The following SPINK5 variants were observed in gnomAD, a reference collection of about 807,000 sequenced individuals.
The protein encoded by SPINK5 is serine peptidase inhibitor Kazal type 5.
Under a neutral mutation model 151.8 loss-of-function variants are expected in SPINK5, and 125 were observed. The ratio of observed to expected loss-of-function variants is 0.82; its 90% confidence interval spans 0.71 to 0.96. The LOEUF (loss-of-function observed/expected upper bound fraction) is 0.96, where lower values mean the gene tolerates loss of function less well. Ranked by LOEUF, SPINK5 falls within the 40% of genes least tolerant of loss-of-function variation. The pLI is 0.00. For synonymous variants in SPINK5, 374 were observed against 395.3 expected, an observed-to-expected ratio of 0.95 and a Z score of 0.64; for missense variants, 1,194 against 1,291.9, an observed-to-expected ratio of 0.92 and a Z score of 1.16.
At chr5:148,077,254 A>G (rs988688069) in intron 4 of SPINK5, among the ~76,000 whole-genome samples, 2 of 151,156 alleles carry the variant, frequency 1.3e-5, no homozygotes, top group Admixed American at 6.6e-5. Flanking sequence ...TCCTATATAC[A>G]GGCTGTATAC....
chr5:148,116,240 ATAG>A, intron 21 of SPINK5, 127 bp from the exon 22 acceptor site: 1 of 874,052 alleles, frequency 1.1e-6, no homozygotes, highest in African/African-American at 1.7e-5. Flanking sequence ...GGCCTGCAGC[ATAG>A]TAGATGTTAA....
At chr5:148,098,141 T>C (rs1357057005) in intron 11 of SPINK5, 147 bp downstream of exon 11, 4 of 769,158 alleles carry the variant, frequency 5.2e-6, no homozygotes, top group Non-Finnish European at 2.1e-6. Context: ...GTGATAGAGC[T>C]GGGAGTAAGT....
intron 24 of SPINK5, 132 bp downstream of exon 24, chr5:148,119,190 ATCAGTGACTCTCACTGATAACTTGT>A (rs774387260): frequency 7.8e-4 from 609 of 785,394 alleles, no homozygotes; most frequent in Non-Finnish European, 1.1e-3. Context: ...TTACCAAGTT[ATCAGTGACTCTCACTGATAACTTGT>A]TCAGTGAAGA....
intron 19 of SPINK5, among the ~76,000 whole-genome samples, chr5:148,112,318 T>C (rs34975049): frequency 3.3e-5 from 5 of 152,098 alleles, no homozygotes; most frequent in Non-Finnish European, 7.4e-5. Flanking sequence ...AAAAGAGATA[T>C]AGTCATAAAA....
In SPINK5 at chr5:148,111,789, C is replaced by T; in HGVS notation, c.1714C>T (p.His572Tyr). The part of the protein sequence containing the change: ...AVQELCSEYR[H>Y]YVRNGRLPCT... The stretch of plus-strand genomic sequence containing the variant: ...GCAGGAGCTGTGCAGTGAATATCGT[C>T]ATTATGTGAGGAATGGACGACTCCC... Residue 572 changes from histidine (H) to tyrosine (Y), a missense_variant, in exon 19 of 33, where the codon CAT (histidine) becomes TAT (tyrosine). His to Tyr is a moderately conservative substitution (Grantham distance 83). Transcript: ENST00000256084. The T allele has an allele frequency of 6.2e-7, 1 of 1,613,982 alleles. No homozygotes were observed. Among genetic ancestry groups the T allele is most frequent in the Non-Finnish European group, 8.5e-7 (1 of 1,179,930 alleles).
intron 15 of SPINK5, among the ~76,000 whole-genome samples, chr5:148,104,019 C>T (rs954975126): frequency 1.3e-5 from 2 of 152,074 alleles, no homozygotes; most frequent in African/African-American, 4.8e-5. Flanking sequence ...CATCATATGC[C>T]TAGTTTTGGA....
intron 18 of SPINK5, among the ~76,000 whole-genome samples, chr5:148,109,525 T>C (rs1370409843): frequency 1.3e-5 from 2 of 150,230 alleles, no homozygotes; most frequent in African/African-American, 4.9e-5. Flanking sequence ...AAATATTATA[T>C]GATACAAATA....
In SPINK5 at chr5:148,094,361, G is replaced by C; in HGVS notation, c.674G>C (p.Cys225Ser). 6.2e-7 allele frequency: 1 copy of C among 1,612,258 alleles called. No individual in the cohort carries two copies. Among genetic ancestry groups the C allele is most frequent in the Non-Finnish European group, 8.5e-7 (1 of 1,178,786 alleles). Residue 225 changes from cysteine to serine, a missense_variant, in exon 9 of 33, where the codon TGC becomes TCC. Coordinates refer to ENST00000256084, the MANE Select transcript of SPINK5 (RefSeq NM_006846.4). ...RIRRNAEKDF[C>S]KEYEKQVRNG... is the part of the protein sequence containing the mutation. ...ATAATTGTCTTTTCAAAGGATTTTTGCAAGGAATATGAAAAACAAGTGAGA... is the reference window on the plus strand; with the variant it reads ...ATAATTGTCTTTTCAAAGGATTTTTCCAAGGAATATGAAAAACAAGTGAGA...
chr5:148,064,814 G>C (rs1412367841), intron 1 of SPINK5, among the ~76,000 whole-genome samples: 1 of 152,104 alleles, frequency 6.6e-6, no homozygotes, highest in African/African-American at 2.4e-5. Context: ...GTTAATGAGA[G>C]AGTATAATAG....
intron 29 of SPINK5, among the ~76,000 whole-genome samples, chr5:148,126,635 A>G (rs561155342): frequency 9.2e-5 from 14 of 152,024 alleles, no homozygotes; most frequent in Non-Finnish European, 1.9e-4. Context: ...TCTGTTGCCC[A>G]GGTTGGAGTG....
At chr5:148,106,475 C>A (rs1753785394) in intron 16 of SPINK5, among the ~76,000 whole-genome samples, 1 of 151,846 alleles carries the variant, frequency 6.6e-6, no homozygotes, top group Non-Finnish European at 1.5e-5. Context: ...GCACACACCA[C>A]CATGCCTGGC....
At chr5:148,074,739 T>G (rs556080147) in intron 4 of SPINK5, among the ~76,000 whole-genome samples, 1 of 151,906 alleles carries the variant, frequency 6.6e-6, no homozygotes, top group Non-Finnish European at 1.5e-5. Context: ...GGGGTAAAAT[T>G]GACTTTTTAC....
At chr5:148,120,158 C>T (rs369933837) in intron 25 of SPINK5, 22 bp downstream of exon 25, 1 of 1,613,868 alleles carries the variant, frequency 6.2e-7, no homozygotes, top group Non-Finnish European at 8.5e-7. Context: ...TCAAAATGAG[C>T]TTTTGACTGT....
chr5:148,109,342 T>C (rs963785162), intron 18 of SPINK5, among the ~76,000 whole-genome samples: 3 of 152,214 alleles, frequency 2.0e-5, no homozygotes, highest in Middle Eastern at 3.4e-3. Context: ...ACTGTATGCA[T>C]CATGGCATAA....
intron 4 of SPINK5, among the ~76,000 whole-genome samples, chr5:148,077,955 CA>C (rs1752926807): frequency 6.6e-6 from 1 of 150,756 alleles, no homozygotes; most frequent in Admixed American, 6.6e-5. Context: ...AATGTAAATA[CA>C]ACCATAAAAG....
chr5:148,073,820 A>T (rs1349806688), intron 4 of SPINK5, among the ~76,000 whole-genome samples: 4 of 61,070 alleles, frequency 6.5e-5, no homozygotes, highest in African/African-American at 1.7e-4. Context: ...TGAGTCACAC[A>T]CACACACACA....
intron 26 of SPINK5, among the ~76,000 whole-genome samples, chr5:148,122,221 C>T (rs1754288558): frequency 6.6e-6 from 1 of 152,092 alleles, no homozygotes; most frequent in African/African-American, 2.4e-5. Flanking sequence ...GGTTGCAATA[C>T]AGTCAGAGGA....
chr5:148,131,783 G>A (rs1012750268), intron 31 of SPINK5, among the ~76,000 whole-genome samples: 20 of 152,224 alleles, frequency 1.3e-4, no homozygotes, highest in Non-Finnish European at 2.9e-5. Context: ...TATCTAAAAG[G>A]TCCTGTGACT....
chr5:148,113,269 C>T (rs1392656435), intron 20 of SPINK5, among the ~76,000 whole-genome samples: 3 of 151,408 alleles, frequency 2.0e-5, no homozygotes, highest in Non-Finnish European at 4.4e-5. Flanking sequence ...GTTTGCAAAC[C>T]CCTGATTTAT....
Sources: gnomAD v4.1 joint callset for allele counts (sites outside exome capture counted in the v4.1 genomes callset) on GRCh38, gnomAD v4.1.1 for gene constraint, MANE v1.5 for transcripts, NCBI Gene and HGNC (gene_info 2026-07-23, HGNC 2026-07-21) for gene names.